The following TRIM3 variants were observed in gnomAD, a reference collection of about 807,000 sequenced individuals.
TRIM3 encodes tripartite motif-containing protein 3.
A neutral mutation model predicts 66.6 loss-of-function variants in TRIM3; 13 were observed. The observed-to-expected ratio is 0.20, with a 90% confidence interval of 0.13 to 0.31. The LOEUF is 0.31. TRIM3 is among the 10% of genes least tolerant of loss of function. TRIM3 has a pLI of 1.00. For synonymous variants in TRIM3, 406 were observed against 411.7 expected, an observed-to-expected ratio of 0.99 and a Z score of 0.17; for missense variants, 711 against 1,020.4, an observed-to-expected ratio of 0.70 and a Z score of 4.13.
rs1849700222 is a variant in TRIM3 at position 6,451,112 on chromosome 11, A to G, written c.1702-52T>C. The G allele has an allele frequency of 2.5e-6, 4 of 1,608,778 alleles. No individual in the cohort carries two copies. In the South Asian group the frequency reaches 4.4e-5, roughly 18 times the overall value. ...GCTTTATTCTGACAGTGGGGAAAGT[A>G]GTCCTAACCCAGTACCAAAGCAGAA... On this transcript the variant is annotated intron_variant, in intron 8 of 11. Transcript: ENST00000345851.
Position 6,449,465 on chromosome 11 carries a change from A to G in TRIM3, c.1942-19T>C. On this transcript the variant is annotated intron_variant, in intron 10 of 11. Coordinates refer to ENST00000345851, the MANE Select transcript of TRIM3 (RefSeq NM_033278.4). This position sits in a 1 kb window ranked among gnomAD's most constrained non-coding sequence, Gnocchi z 5.3. ...TGTACACCTGGCGGGGGAAGGGGCT[A>G]GGGACTGGGGACCTGGCCTCAGGCA... 6.2e-7 allele frequency: 1 copy of G among 1,608,574 alleles called. No homozygotes were observed. The highest frequency in any genetic ancestry group is 8.5e-7 in the Non-Finnish European group (1 of 1,176,518).
At chr11:6,470,472 T>C (rs1850636502) in intron 1 of TRIM3, among the ~76,000 whole-genome samples, 1 of 152,186 alleles carries the variant, frequency 6.6e-6, no homozygotes, top group South Asian at 2.1e-4. Flanking sequence ...GTTATGATCA[T>C]AGCTCACTGT....
intron 1 of TRIM3, 104 bp from the exon 2 acceptor site, chr11:6,465,836 T>C (rs1317849705): frequency 1.0e-6 from 1 of 1,002,816 alleles, no homozygotes; most frequent in Non-Finnish European, 1.5e-6. Flanking sequence ...ACCTCTTCCC[T>C]GCTAGGGGCA....
At chr11:6,453,139 G>C (rs1849803935) in intron 7 of TRIM3, 1 of 152,194 alleles carries the variant, frequency 6.6e-6, no homozygotes, top group Non-Finnish European at 1.5e-5. Flanking sequence ...TTGCAGCACT[G>C]ATATGGCATT....
rs1421530852 is a variant in TRIM3 at position 6,451,074 on chromosome 11, A to C, written c.1702-14T>G. 2 of 1,613,722 alleles carry C rather than the reference A, an allele frequency of 1.2e-6. No homozygotes were observed. Among genetic ancestry groups the C allele is most frequent in the Non-Finnish European group, 1.7e-6 (2 of 1,179,748 alleles). ...TCCAATCTTGGTCTGGAGGAAGAGA[A>C]TATCCATAAGAGGCTTTATTCTGAC... On this transcript the variant is annotated splice_polypyrimidine_tract_variant and intron_variant, in intron 8 of 11. Coordinates refer to ENST00000345851, the MANE Select transcript of TRIM3 (RefSeq NM_033278.4).
chr11:6,457,588 C>T lies in TRIM3; in HGVS notation c.515+108G>A. ...ATGGAGATCTCCTTCCTGAGACCTC[C>T]CTGAGACTTCCATCTCTGCCCTTCC... On this transcript the variant is annotated intron_variant, in intron 4 of 11. Transcript: ENST00000345851. This position sits in a 1 kb window ranked among gnomAD's most constrained non-coding sequence, Gnocchi z 4.5. The T allele has an allele frequency of 7.7e-6, 12 of 1,551,732 alleles. No individual in the cohort carries two copies. Among genetic ancestry groups the T allele is most frequent in the Non-Finnish European group, 1.0e-5 (12 of 1,145,996 alleles).
intron 2 of TRIM3, among the ~76,000 whole-genome samples, chr11:6,459,176 G>C (rs75343386): frequency 6.6e-6 from 1 of 152,184 alleles, no homozygotes; most frequent in Non-Finnish European, 1.5e-5. Context: ...GGCAGAGGGG[G>C]AAGGGTAGTC....
intron 1 of TRIM3, among the ~76,000 whole-genome samples, chr11:6,467,073 TA>T (rs538612143): frequency 9.2e-4 from 140 of 152,298 alleles, no homozygotes; most frequent in African/African-American, 3.2e-3. Context: ...AATGGAATGA[TA>T]AAACAGACAG....
chr11:6,471,900 A>G (rs78663546), intron 1 of TRIM3, among the ~76,000 whole-genome samples: 2,178 of 152,308 alleles, frequency 0.014, 55 homozygotes, highest in African/African-American at 0.049. Context: ...ACAAGATTGC[A>G]AATCTCCAAA....
intron 1 of TRIM3, among the ~76,000 whole-genome samples, chr11:6,473,560 GAACC>G (rs1850796191): frequency 6.6e-6 from 1 of 151,898 alleles, no homozygotes; most frequent in Non-Finnish European, 1.5e-5. Flanking sequence ...CTCCCCTAAG[GAACC>G]ATCACCCATC....
chr11:6,465,014 G>A (rs777805026), intron 2 of TRIM3, among the ~76,000 whole-genome samples: 198 of 139,182 alleles, frequency 1.4e-3, no homozygotes, highest in Non-Finnish European at 2.2e-3. Context: ...AAAAAAAAGA[G>A]TAAGGATCTT....
chr11:6,466,338 G>A (rs1223301920), intron 1 of TRIM3, among the ~76,000 whole-genome samples: 3 of 152,154 alleles, frequency 2.0e-5, no homozygotes, highest in Non-Finnish European at 4.4e-5. Flanking sequence ...GCAACCATCT[G>A]TTCTCTCCTG....
In TRIM3 at chr11:6,458,920, G is replaced by A. The variant is rs1850104795; in HGVS notation, c.132-624C>T. Among the ~76,000 whole-genome samples, 1 of 152,086 alleles carries A rather than the reference G, an allele frequency of 6.6e-6. No homozygotes were observed. The highest frequency in any genetic ancestry group is 1.5e-5 in the Non-Finnish European group (1 of 68,018). The stretch of plus-strand genomic sequence containing the variant: ...AGTACAGACTTCACAGAGTGTTAGA[G>A]GATTACATGTAAAGTACTTACTTAT... On this transcript the variant is annotated intron_variant, in intron 2 of 11. Coordinates refer to ENST00000345851, the MANE Select transcript of TRIM3 (RefSeq NM_033278.4). This position sits in a 1 kb window ranked among gnomAD's most constrained non-coding sequence, Gnocchi z 6.2.
chr11:6,450,891 C>T lies in TRIM3; in HGVS notation c.1870+1G>A. On this transcript the variant is annotated splice_donor_variant, in intron 9 of 11. Transcript: ENST00000345851. LOFTEE classifies it high-confidence loss of function. This position sits in a 1 kb window ranked among gnomAD's most constrained non-coding sequence, Gnocchi z 4.8. ...TAGATCTTGGAGCTGTCCCCCTATACCTGCAAAGTGGCGGTCAGTGGCCCC... is the reference window on the plus strand; with the variant it reads ...TAGATCTTGGAGCTGTCCCCCTATATCTGCAAAGTGGCGGTCAGTGGCCCC... 1 of 1,614,098 alleles carries T rather than the reference C, an allele frequency of 6.2e-7. No homozygotes were observed. The highest frequency in any genetic ancestry group is 8.5e-7 in the Non-Finnish European group (1 of 1,179,992).
chr11:6,461,562 C>T (rs1850241270), intron 2 of TRIM3, among the ~76,000 whole-genome samples: 1 of 151,078 alleles, frequency 6.6e-6, no homozygotes, highest in Non-Finnish European at 1.5e-5. Flanking sequence ...CTTCTCACCC[C>T]CAGTGATCTT....
Position 6,451,301 on chromosome 11 carries a change from G to A in TRIM3, c.1671C>T (p.Val557=). 1 of 1,614,176 alleles carries A rather than the reference G, an allele frequency of 6.2e-7. No individual in the cohort carries two copies. The highest frequency in any genetic ancestry group is 8.5e-7 in the Non-Finnish European group (1 of 1,180,046). ...ACTTGCCCTCAGGGGAGAAGATGCT[G>A]ACCCAACGGTTGTCATAGTCTGCCA... ...IIVADYDNRW[V]SIFSPEGKFK... Residue 557 remains valine, a synonymous_variant, in exon 8 of 12, where the codon GTC becomes GTT. Transcript: ENST00000345851.
chr11:6,459,099 T>C (rs1850112043), intron 2 of TRIM3, among the ~76,000 whole-genome samples: 1 of 152,162 alleles, frequency 6.6e-6, no homozygotes, highest in African/African-American at 2.4e-5. Flanking sequence ...AGGAAAGTCT[T>C]CAGAGAGTTG....
rs182330978 is a variant in TRIM3, at chr11:6,457,199, T to C, written c.696+97A>G. The C allele has an allele frequency of 7.8e-6, 12 of 1,540,774 alleles. No individual in the cohort carries two copies. The African/African-American group carries it at 1.2e-4, about 16-fold the overall frequency. Reference sequence around the variant, plus strand: ...ATGTCAGGAGGCAGAATATCTAGGCTGGGGAATGGGGAGCTGGTGTGGAAG... The same window carrying C: ...ATGTCAGGAGGCAGAATATCTAGGCCGGGGAATGGGGAGCTGGTGTGGAAG... On this transcript the variant is annotated intron_variant, in intron 5 of 11. Coordinates refer to ENST00000345851, the MANE Select transcript of TRIM3 (RefSeq NM_033278.4). This position sits in a 1 kb window ranked among gnomAD's most constrained non-coding sequence, Gnocchi z 4.5.
At chr11:6,474,303 G>T (rs1850851041), upstream of TRIM3, 1 of 152,416 alleles carries the variant, frequency 6.6e-6, no homozygotes, top group African/African-American at 2.4e-5. Flanking sequence ...AGCCTGTCTG[G>T]GCCGCCTGCC....
Sources: allele counts gnomAD v4.1 joint callset (sites outside exome capture counted in the v4.1 genomes callset), GRCh38; gene constraint gnomAD v4.1.1; non-coding constraint Gnocchi (gnomAD v3.1); transcripts MANE v1.5; gene names NCBI Gene and HGNC (gene_info 2026-07-23, HGNC 2026-07-21).